The following SANBR variants were observed in gnomAD, a reference collection of about 807,000 sequenced individuals.
The protein encoded by SANBR is SANT and BTB domain regulator of CSR, also known as SANT and BTB domain regulator of class switch recombination.
A neutral mutation model predicts 101.8 loss-of-function variants in SANBR; 77 were observed. The ratio of observed to expected loss-of-function variants is 0.76; its 90% confidence interval spans 0.63 to 0.91. The LOEUF (loss-of-function observed/expected upper bound fraction) is 0.91, where lower values mean the gene tolerates loss of function less well. SANBR is among the 40% of genes least tolerant of loss of function. The pLI, the probability that SANBR is intolerant of heterozygous loss-of-function variation, is 0.00. For missense variants in SANBR, 875 were observed against 853.0 expected (o/e 1.03, Z -0.32); for synonymous variants, 279 against 274.7 (o/e 1.02, Z -0.15).
downstream of SANBR, among the ~76,000 whole-genome samples, chr2:61,126,591 A>G (rs757219141): frequency 1.8e-4 from 27 of 152,092 alleles, no homozygotes; most frequent in Non-Finnish European, 3.1e-4. Flanking sequence ...TCACGAGGTC[A>G]GGAGTTTGAG....
At chr2:61,105,940 G>C (rs1348828023) in intron 13 of SANBR, among the ~76,000 whole-genome samples, 2 of 152,154 alleles carry the variant, frequency 1.3e-5, no homozygotes, top group African/African-American at 4.8e-5. Flanking sequence ...AAAGTGCTGG[G>C]ATTAGAGGCG....
Position 61,123,474 on chromosome 2 carries a change from G to A in SANBR, c.*1312G>A. Reference sequence around the variant, plus strand: ...TTTTGAACTGCTGTTTAGAAATTTTGTTCCCATTTATATTTGTTTCAATTG... The same window carrying A: ...TTTTGAACTGCTGTTTAGAAATTTTATTCCCATTTATATTTGTTTCAATTG... On this transcript the variant is annotated 3_prime_UTR_variant, in exon 22 of 22. Transcript: ENST00000402291. 1.0e-6 allele frequency: 1 copy of A among 979,232 alleles called. No individual in the cohort carries two copies. The allele number at this position is 979,232 out of a possible 1,614,324, so 60.7% of individuals were successfully genotyped here. A position where few individuals can be genotyped will look rare whatever the true frequency, so the allele number is the denominator to read the frequency against.
rs151027530 is a variant in SANBR, at chr2:61,094,728, C to T, written c.1212+2141C>T. Among the ~76,000 whole-genome samples, 411 of 147,830 alleles carry T rather than the reference C, an allele frequency of 2.8e-3. 2 individuals are homozygous for T. The highest frequency in any genetic ancestry group is 8.6e-3 in the African/African-American group (344 of 40,216). On this transcript the variant is annotated intron_variant, in intron 11 of 21. Transcript: ENST00000402291. ...GCGCCATCTTGGCTCACTGCAACCT[C>T]CACCTCCCAGGTTCAAGCGATTCTC...
At chr2:61,129,489 A>T (rs1335228678) in intron 20 of SANBR, among the ~76,000 whole-genome samples, 1 of 151,960 alleles carries the variant, frequency 6.6e-6, no homozygotes, top group Non-Finnish European at 1.5e-5. Flanking sequence ...GAAACAAATG[A>T]CTCTAGACAG....
intron 7 of SANBR, among the ~76,000 whole-genome samples, chr2:61,082,327 A>G (rs953138147): frequency 2.6e-5 from 4 of 152,228 alleles, no homozygotes; most frequent in African/African-American, 9.6e-5. Flanking sequence ...TTTTTATGCC[A>G]TAAGCATAAA....
chr2:61,091,895 T>C (rs1682781148), intron 10 of SANBR, among the ~76,000 whole-genome samples: 1 of 152,198 alleles, frequency 6.6e-6, no homozygotes, highest in Non-Finnish European at 1.5e-5. Flanking sequence ...CAAGACCTGA[T>C]TGTATATTCT....
chr2:61,121,552 T>C (rs1403391182), intron 21 of SANBR: 2 of 265,282 alleles, frequency 7.5e-6, no homozygotes, highest in South Asian at 5.1e-5. Context: ...ATAGTGCTAC[T>C]GGAAGTAGCA....
downstream of SANBR, among the ~76,000 whole-genome samples, chr2:61,124,525 C>T (rs1290556515): frequency 2.0e-5 from 3 of 151,916 alleles, no homozygotes; most frequent in East Asian, 5.8e-4. Flanking sequence ...CATAGTGAGA[C>T]CTCGTCTCTA....
In SANBR at chr2:61,123,012, T is replaced by C. The variant is rs1248804893; in HGVS notation, c.*850T>C. 3 of 982,222 alleles carry C rather than the reference T, an allele frequency of 3.1e-6. No individual in the cohort carries two copies. Among genetic ancestry groups the C allele is most frequent in the East Asian group, 1.1e-4 (1 of 8,948 alleles). 60.8% of individuals were successfully genotyped at this position (982,222 alleles called of 1,614,324 possible). ...TTCAAATAACTCCTTAAAACAGTTA[T>C]ACTTGCTAGTTCGGTCTAAAATTTT... On this transcript the variant is annotated 3_prime_UTR_variant, in exon 22 of 22. Transcript: ENST00000402291.
intron 10 of SANBR, 61 bp from the exon 11 acceptor site, chr2:61,092,403 A>G: frequency 7.8e-7 from 1 of 1,273,912 alleles, no homozygotes; most frequent in Non-Finnish European, 1.1e-6. Context: ...TAATAATTAA[A>G]TAAATAAATA....
At chr2:61,128,271 CAAA>C (rs1200152788), downstream of SANBR, among the ~76,000 whole-genome samples, 3 of 104,942 alleles carry the variant, frequency 2.9e-5, no homozygotes, top group Non-Finnish European at 4.0e-5. Flanking sequence ...GACTCTGTCT[CAAA>C]AAAAAAAAAA....
chr2:61,085,286 T>C (rs1682363293), intron 8 of SANBR, among the ~76,000 whole-genome samples: 1 of 152,196 alleles, frequency 6.6e-6, no homozygotes, highest in South Asian at 2.1e-4. Flanking sequence ...TTTTCTGTTA[T>C]TCATCTTGAA....
chr2:61,137,727 C>G (rs984129060), exon 22 of SANBR: 1 of 151,864 alleles, frequency 6.6e-6, no homozygotes, highest in Non-Finnish European at 1.5e-5. Context: ...AGACATAAAA[C>G]ATTCCAAATA....
intron 6 of SANBR, 22 bp from the exon 7 acceptor site, chr2:61,081,430 T>A: frequency 6.4e-7 from 1 of 1,571,284 alleles, no homozygotes; most frequent in South Asian, 1.2e-5. Context: ...AAAAGGGTAA[T>A]CTAATTTTTT....
intron 10 of SANBR, chr2:61,088,866 C>G: frequency 3.1e-6 from 3 of 962,238 alleles, no homozygotes; most frequent in Non-Finnish European, 3.7e-6. Context: ...AAAAATATAA[C>G]TACTTTTATA....
intron 2 of SANBR, among the ~76,000 whole-genome samples, chr2:61,070,015 T>C (rs1681378139): frequency 6.6e-6 from 1 of 152,186 alleles, no homozygotes; most frequent in African/African-American, 2.4e-5. Flanking sequence ...GCTGTGATCT[T>C]GTAAAAATTA....
intron 12 of SANBR, among the ~76,000 whole-genome samples, chr2:61,101,522 A>G (rs972604025): frequency 7.9e-5 from 12 of 151,228 alleles, no homozygotes; most frequent in Non-Finnish European, 1.2e-4. Flanking sequence ...TCACGAGGTC[A>G]GGAGATCAAG....
At chr2:61,088,619 C>A in intron 10 of SANBR, 151 bp downstream of exon 10, 4 of 449,318 alleles carry the variant, frequency 8.9e-6, no homozygotes, top group Non-Finnish European at 1.1e-5. Context: ...CTCCCAGGTT[C>A]AAGCGATTCT....
intron 12 of SANBR, among the ~76,000 whole-genome samples, chr2:61,098,129 G>T (rs1446453002): frequency 6.7e-6 from 1 of 148,630 alleles, no homozygotes; most frequent in African/African-American, 2.5e-5. Context: ...TTTGAGATGG[G>T]GTCTCGCTCT....
Sources: allele counts gnomAD v4.1 joint callset (sites outside exome capture counted in the v4.1 genomes callset), GRCh38; gene constraint gnomAD v4.1.1; transcripts MANE v1.5; gene names NCBI Gene and HGNC (gene_info 2026-07-23, HGNC 2026-07-21).